The following NEGR1 variants were observed in gnomAD, a reference collection of about 807,000 sequenced individuals.
NEGR1 encodes the protein neuronal growth regulator 1.
A neutral mutation model predicts 40.9 loss-of-function variants in NEGR1; 10 were observed. The observed-to-expected ratio is 0.24, with a 90% confidence interval of 0.15 to 0.42. NEGR1 has a LOEUF of 0.42. Ranked by LOEUF, NEGR1 falls within the 10% of genes least tolerant of loss-of-function variation. The pLI is 1.00. For synonymous variants in NEGR1, 185 were observed against 166.8 expected, an observed-to-expected ratio of 1.11 and a Z score of -0.84; for missense variants, 352 against 438.9, an observed-to-expected ratio of 0.80 and a Z score of 1.77.
chr1:72,018,583 C>T (rs1646731508), intron 1 of NEGR1, among the ~76,000 whole-genome samples: 1 of 152,044 alleles, frequency 6.6e-6, no homozygotes, highest in Non-Finnish European at 1.5e-5. Flanking sequence ...AAAAAACATC[C>T]AAACTGAACA....
At chr1:71,950,897 C>T (rs1269360376) in intron 1 of NEGR1, among the ~76,000 whole-genome samples, 4 of 151,902 alleles carry the variant, frequency 2.6e-5, no homozygotes, top group Non-Finnish European at 4.4e-5. Context: ...TTTTCTGTCT[C>T]TCTACTTGGA....
At chr1:72,173,102 A>C (rs1652022876) in intron 1 of NEGR1, among the ~76,000 whole-genome samples, 1 of 151,214 alleles carries the variant, frequency 6.6e-6, no homozygotes, top group South Asian at 2.1e-4. Flanking sequence ...GACCTCCTGC[A>C]CTCAAGCAAT....
chr1:71,906,948 G>A (rs546964194), intron 2 of NEGR1, among the ~76,000 whole-genome samples: 2 of 152,028 alleles, frequency 1.3e-5, no homozygotes, highest in Admixed American at 1.3e-4. Context: ...TTTACCTGCA[G>A]GATTTTCTTG....
chr1:72,016,731 A>G (rs1222525393), intron 1 of NEGR1, among the ~76,000 whole-genome samples: 1 of 152,180 alleles, frequency 6.6e-6, no homozygotes, highest in African/African-American at 2.4e-5. Flanking sequence ...AAACCCCTGC[A>G]CTGCTCTTAT....
chr1:71,880,200 T>C lies in NEGR1; in HGVS notation c.409+54879A>G, dbSNP rs1660544218. Among the ~76,000 whole-genome samples, 3 of 152,150 alleles carry C rather than the reference T, an allele frequency of 2.0e-5. No individual in the cohort carries two copies. In the South Asian group the frequency reaches 6.2e-4, roughly 32 times the overall value. On this transcript the variant is annotated intron_variant, in intron 2 of 6. Coordinates refer to ENST00000357731, the MANE Select transcript of NEGR1 (RefSeq NM_173808.3). ...GTGGAAAGTTTTGAGGATAGGTTTTTCACAATAAAAAATAACAATTTTATT... is the reference window on the plus strand; with the variant it reads ...GTGGAAAGTTTTGAGGATAGGTTTTCCACAATAAAAAATAACAATTTTATT...
At chr1:71,536,358 A>C (rs1279609496) in intron 6 of NEGR1, among the ~76,000 whole-genome samples, 4 of 151,612 alleles carry the variant, frequency 2.6e-5, no homozygotes. Flanking sequence ...GGAGTGAGTG[A>C]GTTTTCACTA....
intron 6 of NEGR1, among the ~76,000 whole-genome samples, chr1:71,426,779 T>C (rs1317587638): frequency 6.6e-6 from 1 of 152,128 alleles, no homozygotes; most frequent in African/African-American, 2.4e-5. Flanking sequence ...TCCTATCTGT[T>C]TTCAAAAGCT....
intron 3 of NEGR1, among the ~76,000 whole-genome samples, chr1:71,705,261 A>T (rs1479780055): frequency 1.3e-5 from 2 of 152,188 alleles, no homozygotes; most frequent in East Asian, 3.8e-4. Context: ...TGCATCATTG[A>T]CTTAAATGTG....
At chr1:72,126,224 C>G (rs571408241) in intron 1 of NEGR1, among the ~76,000 whole-genome samples, 111 of 151,660 alleles carry the variant, frequency 7.3e-4, no homozygotes, top group African/African-American at 2.6e-3. Flanking sequence ...TTTTCTATTA[C>G]TATTTCTATA....
At chr1:72,191,610 TTA>T (rs1652822986) in intron 1 of NEGR1, among the ~76,000 whole-genome samples, 1 of 151,896 alleles carries the variant, frequency 6.6e-6, no homozygotes, top group Non-Finnish European at 1.5e-5. Context: ...AGAGACTGTT[TTA>T]ATTCATTCTA....
intron 1 of NEGR1, among the ~76,000 whole-genome samples, chr1:72,092,174 C>T (rs372813093): frequency 6.4e-4 from 98 of 152,136 alleles, no homozygotes; most frequent in Admixed American, 1.6e-3. Context: ...ACAACTAGGG[C>T]GCAGGTGGTA....
intron 2 of NEGR1, among the ~76,000 whole-genome samples, chr1:71,866,702 T>G (rs1660124125): frequency 6.6e-6 from 1 of 152,194 alleles, no homozygotes; most frequent in Admixed American, 6.5e-5. Context: ...TATGTTTAGC[T>G]TGTAGTTGGT....
intron 1 of NEGR1, among the ~76,000 whole-genome samples, chr1:72,195,647 A>ATTT (rs11392148): frequency 2.7e-5 from 4 of 148,650 alleles, no homozygotes; most frequent in African/African-American, 9.8e-5. Flanking sequence ...GGAAGTTAAG[A>ATTT]TTTTTTTTTT....
chr1:71,471,558 AT>A lies in NEGR1; in HGVS notation c.941-63989del, dbSNP rs1194276879. Among the ~76,000 whole-genome samples, 67 of 152,218 alleles carry A rather than the reference AT, an allele frequency of 4.4e-4. 1 individual carries two copies. The highest frequency in any genetic ancestry group is 1.6e-3 in the African/African-American group (66 of 41,548). The stretch of plus-strand genomic sequence containing the variant: ...TTACTCAGGAGGCTGAGGCCAGAGA[AT>A]CATTTGAACCCAGGAAGCAGAAGAT... On this transcript the variant is annotated intron_variant, in intron 6 of 6. Coordinates refer to ENST00000357731, the MANE Select transcript of NEGR1 (RefSeq NM_173808.3).
At chr1:71,904,053 C>T (rs1661212760) in intron 2 of NEGR1, among the ~76,000 whole-genome samples, 1 of 151,844 alleles carries the variant, frequency 6.6e-6, no homozygotes, top group Admixed American at 6.6e-5. Context: ...CACTCTGTTA[C>T]ATATTATATT....
chr1:72,091,139 C>T (rs1648473619), intron 1 of NEGR1, among the ~76,000 whole-genome samples: 1 of 152,076 alleles, frequency 6.6e-6, no homozygotes, highest in African/African-American at 2.4e-5. Flanking sequence ...ACTCATTTTA[C>T]TAGGGACTGG....
intron 1 of NEGR1, among the ~76,000 whole-genome samples, chr1:72,062,412 T>G (rs1337676923): frequency 6.6e-6 from 1 of 151,928 alleles, no homozygotes; most frequent in Non-Finnish European, 1.5e-5. Context: ...ATTCCTTAGG[T>G]GCTATATCTT....
At chr1:71,596,898 A>G (rs1196053405) in intron 5 of NEGR1, among the ~76,000 whole-genome samples, 1 of 152,232 alleles carries the variant, frequency 6.6e-6, no homozygotes, top group African/African-American at 2.4e-5. Context: ...AGGCATTCTC[A>G]AATAATGATA....
intron 1 of NEGR1, among the ~76,000 whole-genome samples, chr1:72,221,935 T>A (rs1344903634): frequency 6.6e-6 from 1 of 151,918 alleles, no homozygotes; most frequent in Non-Finnish European, 1.5e-5. Flanking sequence ...CCCACAGATA[T>A]ATGTTCTAGG....
Sources: gnomAD v4.1 joint callset for allele counts (sites outside exome capture counted in the v4.1 genomes callset) on GRCh38, gnomAD v4.1.1 for gene constraint, MANE v1.5 for transcripts, NCBI Gene and HGNC (gene_info 2026-07-23, HGNC 2026-07-21) for gene names.